Variants in EXPH5 observed in about 807,000 individuals in gnomAD.
EXPH5 encodes the protein exophilin-5.
Under a neutral mutation model 41.1 loss-of-function variants are expected in EXPH5, and 42 were observed. That is an observed-to-expected ratio of 1.02 (90% CI 0.80 to 1.32). The LOEUF is 1.32. EXPH5 is among the 40% of genes most tolerant of loss of function. The pLI is 0.00. For missense variants in EXPH5, 2,298 were observed against 2,314.5 expected, an observed-to-expected ratio of 0.99 and a Z score of 0.15; for synonymous variants, 798 against 833.5, an observed-to-expected ratio of 0.96 and a Z score of 0.73.
At chr11:108,555,067 G>A (rs1350890923) in intron 1 of EXPH5, among the ~76,000 whole-genome samples, 1 of 152,232 alleles carries the variant, frequency 6.6e-6, no homozygotes, top group Admixed American at 6.5e-5. Flanking sequence ...GCATGATCAT[G>A]AGAAAAGAAA....
chr11:108,600,020 A>G, the EXPH5 span, among the ~76,000 whole-genome samples: 1 of 152,202 alleles, frequency 6.6e-6, no homozygotes, highest in Non-Finnish European at 1.5e-5. Flanking sequence ...GGAGATTGCA[A>G]TCTGGGTAAC....
chr11:108,576,323 C>T (rs993573203), intron 1 of EXPH5, among the ~76,000 whole-genome samples: 1 of 152,070 alleles, frequency 6.6e-6, no homozygotes, highest in Non-Finnish European at 1.5e-5. Context: ...AGAAGACAGA[C>T]AAAAATTATA....
rs752428487 is a variant in EXPH5 at position 108,508,588 on chromosome 11, T to C, written c.*949A>G. ...GTGAAAATGGATAGTTCTGAGGAAA[T>C]GGGAAAAGCCAGTTGCTGAGAGAAC... On this transcript the variant is annotated 3_prime_UTR_variant, in exon 6 of 6. Coordinates refer to ENST00000265843, the MANE Select transcript of EXPH5 (RefSeq NM_015065.3). 1 of 152,236 alleles carries C rather than the reference T, an allele frequency of 6.6e-6. No individual in the cohort carries two copies. Among genetic ancestry groups the C allele is most frequent in the Non-Finnish European group, 1.5e-5 (1 of 68,098 alleles). The allele number at this position is 152,236 out of a possible 1,614,324, so 9.4% of individuals were successfully genotyped here.
chr11:108,525,366 G>A (rs952412795), intron 4 of EXPH5, among the ~76,000 whole-genome samples: 1 of 152,188 alleles, frequency 6.6e-6, no homozygotes, highest in Admixed American at 6.5e-5. Flanking sequence ...TCACTGGACA[G>A]TAGCCAGAGT....
rs2094134261 is a variant in EXPH5 at position 108,593,731 on chromosome 11, C to T, written c.-195G>A. The stretch of plus-strand genomic sequence containing the variant: ...GCTCATATTGACAATACCTTAATGA[C>T]ATGTTTCTCTCAACCTGTCCAACCG... On this transcript the variant is annotated 5_prime_UTR_variant, in exon 1 of 6. The change abolishes an upstream ATG in the 5' untranslated region. Transcript: ENST00000265843. The T allele has an allele frequency of 6.5e-7, 1 of 1,537,350 alleles. No homozygotes were observed. Among genetic ancestry groups the T allele is most frequent in the Admixed American group, 2.0e-5 (1 of 51,020 alleles).
intron 3 of EXPH5, among the ~76,000 whole-genome samples, chr11:108,534,075 G>A (rs922688009): frequency 1.3e-5 from 2 of 152,078 alleles, no homozygotes; most frequent in Non-Finnish European, 2.9e-5. Flanking sequence ...GATTACAGGC[G>A]GCCACCACAT....
intron 4 of EXPH5, among the ~76,000 whole-genome samples, chr11:108,521,015 G>A (rs754316670): frequency 6.6e-6 from 1 of 152,040 alleles, no homozygotes; most frequent in Non-Finnish European, 1.5e-5. Flanking sequence ...CTCCATTTGC[G>A]TTTCCTCTGT....
In EXPH5 at chr11:108,514,787, T is replaced by G. The variant is rs757005170; in HGVS notation, c.720A>C (p.Thr240=). ...TRTPLNYGSR[T]QFGHFYSSGN... ...CACTGGAATAAAAGTGACCGAACTG[T>G]GTTCTTGATCCATAGTTGAGGGGTG... The change falls in exon 6 of 6, where the codon ACA becomes ACC. Residue 240 remains threonine, a synonymous_variant. Transcript: ENST00000265843. The G allele has an allele frequency of 3.1e-6, 5 of 1,607,552 alleles. No homozygotes were observed. The East Asian group carries it at 1.1e-4, about 36-fold the overall frequency.
At chr11:108,579,887 G>A (rs2094092565) in intron 1 of EXPH5, among the ~76,000 whole-genome samples, 1 of 152,142 alleles carries the variant, frequency 6.6e-6, no homozygotes, top group Admixed American at 6.6e-5. Context: ...AGCAGTGGTA[G>A]CTGGGGCGCA....
rs1217607723 is a variant in EXPH5 at position 108,514,454 on chromosome 11, C to T, written c.1053G>A (p.Lys351=). ...SLHFPATTQS[K]SGFIPPRHQQ... ...GGTGCCTTGGTGGTATAAACCCACTCTTGCTCTGAGTTGTGGCTGGAAAAT... is the reference window on the plus strand; with the variant it reads ...GGTGCCTTGGTGGTATAAACCCACTTTTGCTCTGAGTTGTGGCTGGAAAAT... Residue 351 remains lysine, a synonymous_variant, in exon 6 of 6, where the codon AAG becomes AAA. Transcript: ENST00000265843. The T allele has an allele frequency of 9.3e-6, 15 of 1,613,752 alleles. No individual in the cohort carries two copies. The highest frequency in any genetic ancestry group is 2.7e-5 in the African/African-American group (2 of 74,914).
chr11:108,533,533 T>G (rs1480009226), intron 3 of EXPH5, among the ~76,000 whole-genome samples: 6 of 152,134 alleles, frequency 3.9e-5, no homozygotes, highest in Non-Finnish European at 8.8e-5. Context: ...AATCTGCCCC[T>G]TTTTTTGTTT....
At chr11:108,539,252 A>T in intron 2 of EXPH5, 66 bp from the exon 3 acceptor site, 1 of 1,206,224 alleles carries the variant, frequency 8.3e-7, no homozygotes, top group East Asian at 2.4e-5. Flanking sequence ...GAAAGAATGA[A>T]GCCTTTGCTC....
rs12280538 is a variant in EXPH5 at position 108,523,747 on chromosome 11, C to G, written c.492+4389G>C. Among the ~76,000 whole-genome samples the G allele has an allele frequency of 9.7e-3, 1,471 of 152,304 alleles. 15 individuals are homozygous for G. Among genetic ancestry groups the G allele is most frequent in the African/African-American group, 0.032 (1,337 of 41,574 alleles). On this transcript the variant is annotated intron_variant, in intron 4 of 5. Transcript: ENST00000265843. ...ACTTAGCAGGCTTGATGGAACATGT[C>G]TGTAGTCTCAGCTACTTGGGAGGCT... is the stretch of plus-strand genomic sequence containing the variant.
Position 108,511,158 on chromosome 11 carries a change from C to T in EXPH5, c.4349G>A (p.Ser1450Asn). ...TCCAGTAAATGGAATGGCTCTACCA[C>T]TCCCTGTACACTCCCAAGAACTTCT... is the stretch of plus-strand genomic sequence containing the variant. ...TRRSSWECTG[S>N]GRAIPFTGSG... Residue 1450 changes from serine to asparagine, a missense_variant, in exon 6 of 6, where the codon AGT becomes AAT. Transcript: ENST00000265843. The T allele has an allele frequency of 6.2e-7, 1 of 1,613,132 alleles. No individual in the cohort carries two copies. Among genetic ancestry groups the T allele is most frequent in the Non-Finnish European group, 8.5e-7 (1 of 1,179,646 alleles).
At chr11:108,586,884 G>A (rs1431873716) in intron 1 of EXPH5, among the ~76,000 whole-genome samples, 6 of 151,818 alleles carry the variant, frequency 4.0e-5, no homozygotes, top group Admixed American at 1.3e-4. Flanking sequence ...AGGGCCATTG[G>A]CAATGTCAAT....
chr11:108,558,014 C>G (rs1329146179), intron 1 of EXPH5, among the ~76,000 whole-genome samples: 2 of 152,154 alleles, frequency 1.3e-5, no homozygotes, highest in Admixed American at 1.3e-4. Context: ...ATAATCTCAG[C>G]TCACTGCAAC....
At chr11:108,561,880 G>T (rs545246855) in intron 1 of EXPH5, among the ~76,000 whole-genome samples, 3 of 152,316 alleles carry the variant, frequency 2.0e-5, no homozygotes, top group African/African-American at 7.2e-5. Flanking sequence ...AAGAAAATCA[G>T]CCCTGGCAAT....
intron 1 of EXPH5, among the ~76,000 whole-genome samples, chr11:108,588,051 C>T (rs1288031120): frequency 6.6e-6 from 1 of 152,156 alleles, no homozygotes; most frequent in Non-Finnish European, 1.5e-5. Context: ...CAGCACCTGG[C>T]CCTATTTTTA....
At chr11:108,601,035 A>G in the EXPH5 span, among the ~76,000 whole-genome samples, 1 of 152,224 alleles carries the variant, frequency 6.6e-6, no homozygotes, top group Non-Finnish European at 1.5e-5. Flanking sequence ...TGTTCACCAT[A>G]CAGGGGCTTC....
Sources: gnomAD v4.1 joint callset for allele counts (sites outside exome capture counted in the v4.1 genomes callset) on GRCh38, gnomAD v4.1.1 for gene constraint, MANE v1.5 for transcripts, NCBI Gene and HGNC (gene_info 2026-07-23, HGNC 2026-07-21) for gene names.